The following TRMT11 variants were observed in gnomAD, a reference collection of about 807,000 sequenced individuals.
The protein encoded by TRMT11 is tRNA (guanine(10)-N(2))-methyltransferase TRMT11.
A neutral mutation model predicts 62.8 loss-of-function variants in TRMT11; 53 were observed. The observed-to-expected ratio is 0.84, with a 90% confidence interval of 0.68 to 1.06. TRMT11 has a LOEUF of 1.06. Among genes scored for constraint, TRMT11 ranks in the 50% least tolerant of loss-of-function variants. The pLI is 0.00. For synonymous variants in TRMT11, 188 were observed against 190.3 expected (o/e 0.99, Z 0.10); for missense variants, 556 against 553.4 (o/e 1.00, Z -0.05).
the TRMT11 span, among the ~76,000 whole-genome samples, chr6:126,269,237 C>G: frequency 7.6e-6 from 1 of 132,414 alleles, no homozygotes; most frequent in Non-Finnish European, 1.5e-5. Flanking sequence ...GCACTCCAGC[C>G]TGGGCGACAG....
At chr6:126,265,866 C>T in the TRMT11 span, among the ~76,000 whole-genome samples, 132 of 152,224 alleles carry the variant, frequency 8.7e-4, no homozygotes, top group African/African-American at 2.8e-3. Flanking sequence ...ATATAAGCAA[C>T]ATATAACTTT....
At chr6:126,193,447 C>A (rs1178152052) in intron 1 of TRMT11, among the ~76,000 whole-genome samples, 1 of 135,422 alleles carries the variant, frequency 7.4e-6, no homozygotes, top group East Asian at 2.1e-4. Flanking sequence ...TTTTCTAGTT[C>A]TTTTAAGTGC....
At chr6:126,090,922 T>G (rs1777267004) in intron 17 of TRMT11, among the ~76,000 whole-genome samples, 1 of 152,098 alleles carries the variant, frequency 6.6e-6, no homozygotes. Context: ...AAATTAAATT[T>G]AGCCTAGGCC....
At chr6:126,210,338 T>C in the TRMT11 span, among the ~76,000 whole-genome samples, 1 of 152,112 alleles carries the variant, frequency 6.6e-6, no homozygotes, top group Admixed American at 6.6e-5. Context: ...GAGCTGAGGG[T>C]CTCAGTCCTA....
chr6:126,206,358 G>C (rs1010840334), downstream of TRMT11, among the ~76,000 whole-genome samples: 4 of 152,076 alleles, frequency 2.6e-5, no homozygotes, highest in East Asian at 7.7e-4. Flanking sequence ...TTCTGTTTTA[G>C]TAAGTTTGAG....
intron 21 of TRMT11, among the ~76,000 whole-genome samples, chr6:126,156,867 G>T (rs890853702): frequency 6.6e-6 from 1 of 152,172 alleles, no homozygotes; most frequent in Non-Finnish European, 1.5e-5. Context: ...TCCAACATTG[G>T]AGATTAAATT....
chr6:126,246,457 TG>T, the TRMT11 span, among the ~76,000 whole-genome samples: 1 of 152,054 alleles, frequency 6.6e-6, no homozygotes, highest in Non-Finnish European at 1.5e-5. Context: ...ATAGTGTGAA[TG>T]ATAATAGTGA....
intron 12 of TRMT11, among the ~76,000 whole-genome samples, chr6:126,034,937 G>T (rs1211063918): frequency 6.6e-6 from 1 of 151,926 alleles, no homozygotes; most frequent in Admixed American, 6.6e-5. Flanking sequence ...GAATAGAGAA[G>T]AGTCATGAAA....
At chr6:126,199,042 G>C (rs1390531663) in intron 2 of TRMT11, among the ~76,000 whole-genome samples, 1 of 152,186 alleles carries the variant, frequency 6.6e-6, no homozygotes, top group Non-Finnish European at 1.5e-5. Flanking sequence ...AGTACTTTGA[G>C]TCCTAGGAGG....
intron 1 of TRMT11, among the ~76,000 whole-genome samples, chr6:126,182,710 A>G (rs755470908): frequency 9.2e-5 from 14 of 152,084 alleles, no homozygotes; most frequent in Non-Finnish European, 1.9e-4. Flanking sequence ...GCAGGTAGGC[A>G]GACAGCTTTA....
In TRMT11 at chr6:126,018,565, C is replaced by T. The variant is rs150061373; in HGVS notation, c.1140-2595C>T. 3.6e-4 allele frequency among the ~76,000 whole-genome samples: 55 copies of T among 151,436 alleles called. No individual in the cohort carries two copies. The East Asian group carries it at 9.6e-3, about 26-fold the overall frequency. On this transcript the variant is annotated intron_variant, in intron 11 of 12. Coordinates refer to ENST00000334379, the MANE Select transcript of TRMT11 (RefSeq NM_001031712.3). ...TAGTTTATCCACAAAGTTGTGTGAC[C>T]ATCACCACTAGGTAATTCCAGAACA...
chr6:125,987,131 C>T (rs1255235948), intron 1 of TRMT11: 1 of 156,182 alleles, frequency 6.4e-6, no homozygotes, highest in Non-Finnish European at 1.4e-5. Context: ...AATCTCTGCC[C>T]TCTAGGAGCT....
intron 17 of TRMT11, among the ~76,000 whole-genome samples, chr6:126,091,786 A>G (rs1366427553): frequency 2.6e-5 from 4 of 152,170 alleles, no homozygotes; most frequent in Admixed American, 6.5e-5. Context: ...TCCAGCAGCT[A>G]TCTCTCAGTC....
chr6:126,058,731 A>G (rs1776441633), intron 17 of TRMT11, among the ~76,000 whole-genome samples: 1 of 152,248 alleles, frequency 6.6e-6, no homozygotes, highest in African/African-American at 2.4e-5. Context: ...ATAAAAAATG[A>G]TAAAGAGGAT....
rs60064329 is a variant in TRMT11 at position 126,193,490 on chromosome 6, A to ATTT, written n.144-5287_144-5285dup. On this transcript the variant is annotated intron_variant and non_coding_transcript_variant, in intron 1 of 3. Coordinates refer to the TRMT11 transcript ENST00000444229. The stretch of plus-strand genomic sequence containing the variant: ...GGTTATTTAAGAGGAGCGTTTCTGT[A>ATTT]TTTTTTTTTTTTTTTTTTTTTTTTG... 2.0e-3 allele frequency among the ~76,000 whole-genome samples: 146 copies of ATTT among 73,276 alleles called. 5 individuals are homozygous for ATTT. Among genetic ancestry groups the ATTT allele is most frequent in the Middle Eastern group, 0.013 (1 of 78 alleles). The allele number at this position is 73,276 out of a possible 152,430, so 48.1% of individuals were successfully genotyped here.
chr6:126,134,811 A>C (rs910598716), intron 21 of TRMT11, among the ~76,000 whole-genome samples: 1 of 151,888 alleles, frequency 6.6e-6, no homozygotes, highest in African/African-American at 2.4e-5. Flanking sequence ...GAACACAATG[A>C]AATAAAACAA....
intron 12 of TRMT11, among the ~76,000 whole-genome samples, chr6:126,034,961 T>G (rs1739092603): frequency 6.6e-6 from 1 of 151,554 alleles, no homozygotes; most frequent in Non-Finnish European, 1.5e-5. Flanking sequence ...TGATGAAAAA[T>G]ATGTAGAGTT....
the TRMT11 span, among the ~76,000 whole-genome samples, chr6:126,237,055 C>T: frequency 6.1e-3 from 901 of 147,236 alleles, 9 homozygotes; most frequent in African/African-American, 0.021. Flanking sequence ...GGTACTTGAC[C>T]TCCTAGAGAT....
At chr6:126,220,947 A>G in the TRMT11 span, among the ~76,000 whole-genome samples, 2 of 151,992 alleles carry the variant, frequency 1.3e-5, no homozygotes, top group Middle Eastern at 3.2e-3. Context: ...AGTGTTTACA[A>G]TTCCCTTCTT....
Sources: allele counts gnomAD v4.1 joint callset (sites outside exome capture counted in the v4.1 genomes callset), GRCh38; gene constraint gnomAD v4.1.1; transcripts MANE v1.5; gene names NCBI Gene and HGNC (gene_info 2026-07-23, HGNC 2026-07-21).